Variants in ERI1 observed in about 807,000 individuals in gnomAD.
The protein encoded by ERI1 is 3'-5' exoribonuclease 1.
Under a neutral mutation model 39.7 loss-of-function variants are expected in ERI1, and 39 were observed. The ratio of observed to expected loss-of-function variants is 0.98; its 90% CI spans 0.76 to 1.28. The LOEUF is 1.28. Among genes scored for constraint, ERI1 ranks in the 50% most tolerant of loss-of-function variants. The pLI is 0.00. For synonymous variants in ERI1, 204 were observed against 149.6 expected (o/e 1.36, Z -2.65); for missense variants, 581 against 416.9 (o/e 1.39, Z -3.43).
chr8:9,072,505 G>A (rs936487512), intron 3 of ERI1: 3 of 152,116 alleles, frequency 2.0e-5, no homozygotes, highest in Non-Finnish European at 4.4e-5. Context: ...TTCCAAAAGA[G>A]CTGTAACACG....
At chr8:9,099,926 T>C (rs1169162187) in intron 3 of ERI1, 2 of 152,230 alleles carry the variant, frequency 1.3e-5, no homozygotes, top group East Asian at 1.9e-4. Flanking sequence ...AGGGCCATCA[T>C]TCTGTTCATG....
downstream of ERI1, among the ~76,000 whole-genome samples, chr8:9,038,035 A>C (rs1466109616): frequency 6.6e-6 from 1 of 152,226 alleles, no homozygotes; most frequent in East Asian, 1.9e-4. Context: ...TTTGAAAAGG[A>C]AACTGTACCT....
intron 3 of ERI1, among the ~76,000 whole-genome samples, chr8:9,077,254 C>T (rs1799237888): frequency 6.6e-6 from 1 of 152,172 alleles, no homozygotes. Flanking sequence ...TCCTTCCCTG[C>T]TTAATTCCCT....
chr8:9,067,883 AT>A (rs1435804917), intron 3 of ERI1, among the ~76,000 whole-genome samples: 2 of 151,780 alleles, frequency 1.3e-5, no homozygotes, highest in Non-Finnish European at 2.9e-5. Flanking sequence ...ATTTTCTACA[AT>A]TTTGCCATAC....
chr8:9,074,826 A>G (rs940030010), intron 3 of ERI1, among the ~76,000 whole-genome samples: 5 of 152,202 alleles, frequency 3.3e-5, no homozygotes, highest in African/African-American at 1.2e-4. Flanking sequence ...ACCTTAATTA[A>G]TAGAGCACAT....
rs762183271 is a variant in ERI1, at chr8:9,008,129, G to A, written c.268G>A (p.Glu90Lys). Residue 90 changes from glutamate (E) to lysine (K), a missense_variant, in exon 2 of 7, where the codon GAA becomes AAA. Transcript: ENST00000250263. The stretch of plus-strand genomic sequence containing the variant: ...GGAAGAACTCAGAGCTAAGCTTTCA[G>A]AATTCAAGCTTGAAACTAGGTAATT... ...SKEELRAKLS[E>K]FKLETRGVKD... 1 of 1,591,372 alleles carries A rather than the reference G, an allele frequency of 6.3e-7. No individual in the cohort carries two copies. The highest frequency in any genetic ancestry group is 8.5e-7 in the Non-Finnish European group (1 of 1,171,454).
chr8:9,098,059 G>A (rs997602621), intron 3 of ERI1, among the ~76,000 whole-genome samples: 1 of 152,320 alleles, frequency 6.6e-6, no homozygotes, highest in South Asian at 2.1e-4. Context: ...TCCTAAGTGG[G>A]AGCTAAGCTA....
intron 3 of ERI1, among the ~76,000 whole-genome samples, chr8:9,081,443 AT>A (rs1204011929): frequency 2.0e-5 from 3 of 152,162 alleles, no homozygotes; most frequent in Non-Finnish European, 4.4e-5. Flanking sequence ...CATACTTGAA[AT>A]TTCCCACAAT....
At chr8:9,013,797 G>C (rs142535139) in intron 3 of ERI1, among the ~76,000 whole-genome samples, 1 of 152,150 alleles carries the variant, frequency 6.6e-6, no homozygotes, top group East Asian at 1.9e-4. Context: ...AAAAACTTTG[G>C]AGTCATCTTT....
At chr8:9,035,243 A>G (rs961452225), downstream of ERI1, among the ~76,000 whole-genome samples, 6 of 152,182 alleles carry the variant, frequency 3.9e-5, no homozygotes, top group African/African-American at 1.2e-4. Flanking sequence ...GAAGGTGGCC[A>G]CACCATACAA....
chr8:9,062,403 G>T (rs949207885), intron 3 of ERI1, among the ~76,000 whole-genome samples: 1 of 151,680 alleles, frequency 6.6e-6, no homozygotes, highest in Non-Finnish European at 1.5e-5. Context: ...TAGTTAAAAT[G>T]TCTTGGCCTA....
chr8:9,037,455 C>T (rs929920697), downstream of ERI1, among the ~76,000 whole-genome samples: 75 of 151,948 alleles, frequency 4.9e-4, no homozygotes, highest in African/African-American at 1.7e-3. Flanking sequence ...ATTCATTGGG[C>T]CCTTCATTTG....
chr8:9,035,881 A>G (rs746316519), downstream of ERI1, among the ~76,000 whole-genome samples: 1 of 152,212 alleles, frequency 6.6e-6, no homozygotes, highest in African/African-American at 2.4e-5. Flanking sequence ...GAGAGGAGGT[A>G]AAGATATCAA....
chr8:9,054,338 C>G (rs1297569035), intron 3 of ERI1, among the ~76,000 whole-genome samples: 1 of 152,190 alleles, frequency 6.6e-6, no homozygotes. Flanking sequence ...TAGGATTCAG[C>G]TTTCCTTTTC....
At chr8:9,044,628 G>C (rs551705522) in intron 3 of ERI1, among the ~76,000 whole-genome samples, 121 of 152,226 alleles carry the variant, frequency 7.9e-4, no homozygotes, top group African/African-American at 2.8e-3. Context: ...GCTCTTTCAG[G>C]TGGAAACACA....
chr8:9,017,003 A>T (rs1391696750), intron 4 of ERI1, among the ~76,000 whole-genome samples: 4 of 151,898 alleles, frequency 2.6e-5, no homozygotes, highest in Admixed American at 6.6e-5. Context: ...TTTAGAATGT[A>T]TCTGTTTACA....
intron 3 of ERI1, among the ~76,000 whole-genome samples, chr8:9,068,571 T>C (rs964097586): frequency 3.3e-5 from 5 of 152,148 alleles, no homozygotes; most frequent in African/African-American, 1.2e-4. Context: ...CATAGGGGTC[T>C]TTATTGAGCA....
At position 9,097,741 on chromosome 8, in the gene ERI1, G is replaced by A. The variant is rs184577084; in HGVS notation, n.300-18607G>A. 5.9e-4 allele frequency among the ~76,000 whole-genome samples: 88 copies of A among 148,696 alleles called. No homozygotes were observed. In the East Asian group the frequency reaches 0.011, roughly 19 times the overall value. ...GACTTTTTTAAAAGAAAGAAAAGAA[G>A]AAAGAAGAAAAGACATAAACAAGCA... On this transcript the variant is annotated intron_variant and non_coding_transcript_variant, in intron 3 of 3. Transcript: ENST00000518663.
intron 3 of ERI1, among the ~76,000 whole-genome samples, chr8:9,094,245 A>G (rs1020275738): frequency 1.3e-5 from 2 of 152,204 alleles, no homozygotes; most frequent in African/African-American, 2.4e-5. Flanking sequence ...TATGAGCATG[A>G]GAATCGTCGT....
Sources: allele counts gnomAD v4.1 joint callset (sites outside exome capture counted in the v4.1 genomes callset), GRCh38; gene constraint gnomAD v4.1.1; transcripts MANE v1.5; gene names NCBI Gene and HGNC (gene_info 2026-07-23, HGNC 2026-07-21).